The following TENM3 variants were observed in gnomAD, a reference collection of about 807,000 sequenced individuals.
TENM3 encodes teneurin-3.
A neutral mutation model predicts 255.1 loss-of-function variants in TENM3; 63 were observed. The observed-to-expected ratio is 0.25, with a 90% CI of 0.20 to 0.30. The LOEUF is 0.30. Ranked by LOEUF, TENM3 falls within the 10% of genes least tolerant of loss-of-function variation. The pLI is 1.00. For synonymous variants in TENM3, 1,306 were observed against 1,322.3 expected, an observed-to-expected ratio of 0.99 and a Z score of 0.27; for missense variants, 2,929 against 3,461.1, an observed-to-expected ratio of 0.85 and a Z score of 3.86.
At chr4:181,623,763 T>G in the TENM3 span, among the ~76,000 whole-genome samples, 1 of 152,246 alleles carries the variant, frequency 6.6e-6, no homozygotes, top group Non-Finnish European at 1.5e-5. Context: ...GAGGAGTTCA[T>G]GTACAAGCAG....
intron 3 of TENM3, among the ~76,000 whole-genome samples, chr4:182,477,606 T>G (rs1364608776): frequency 6.6e-6 from 1 of 152,174 alleles, no homozygotes; most frequent in Non-Finnish European, 1.5e-5. Context: ...GTTCTTTATT[T>G]CTTGATTGCA....
chr4:181,794,546 T>C, the TENM3 span, among the ~76,000 whole-genome samples: 1 of 152,128 alleles, frequency 6.6e-6, no homozygotes, highest in Non-Finnish European at 1.5e-5. Flanking sequence ...CAGTATTTGT[T>C]TTTCTTTGCC....
At position 182,799,542 on chromosome 4, in the gene TENM3, GT is replaced by G. The variant is rs1766746558; in HGVS notation, c.7345-53del. On this transcript the variant is annotated intron_variant, in intron 27 of 27. Coordinates refer to ENST00000511685, the MANE Select transcript of TENM3 (RefSeq NM_001080477.4). The surrounding 1 kb of genome is among the most constrained non-coding windows in gnomAD (Gnocchi z 4.2). ...CCAGAGTCCCGTGTGTGGGTCAGGAGTGGGGAGGCTCCCGGCCGCCTCTGAC... is the reference window on the plus strand; with the variant it reads ...CCAGAGTCCCGTGTGTGGGTCAGGAGGGGGAGGCTCCCGGCCGCCTCTGAC... 134 of 1,519,390 alleles carry G rather than the reference GT, an allele frequency of 8.8e-5. No homozygotes were observed. The highest frequency in any genetic ancestry group is 1.2e-4 in the Non-Finnish European group (134 of 1,142,202). The allele number at this position is 1,519,390 out of a possible 1,614,324, so 94.1% of individuals were successfully genotyped here.
chr4:182,718,050 T>C (rs1759350648), intron 13 of TENM3, among the ~76,000 whole-genome samples: 1 of 152,104 alleles, frequency 6.6e-6, no homozygotes, highest in Admixed American at 6.5e-5. Context: ...CAGTGAACCC[T>C]ACCACAGACT....
At chr4:181,888,618 G>GTGTGGA in the TENM3 span, among the ~76,000 whole-genome samples, 43 of 111,794 alleles carry the variant, frequency 3.8e-4, no homozygotes, top group South Asian at 1.6e-3. Flanking sequence ...GTGTGTGTGT[G>GTGTGGA]GAAAGAGAGA....
At chr4:181,578,569 C>A in the TENM3 span, among the ~76,000 whole-genome samples, 5 of 152,172 alleles carry the variant, frequency 3.3e-5, no homozygotes, top group African/African-American at 1.2e-4. Context: ...CGGACTCTGC[C>A]ACTGACCAGG....
the TENM3 span, among the ~76,000 whole-genome samples, chr4:181,644,193 T>C: frequency 1.1e-4 from 16 of 151,666 alleles, no homozygotes; most frequent in African/African-American, 3.6e-4. Flanking sequence ...AAAAGAGACA[T>C]TTCCTACATT....
chr4:182,785,331 C>G (rs1765554859), intron 24 of TENM3, among the ~76,000 whole-genome samples: 1 of 151,972 alleles, frequency 6.6e-6, no homozygotes, highest in African/African-American at 2.4e-5. Flanking sequence ...CTCAGCCTCC[C>G]AAAATCTTGG....
chr4:182,419,106 A>G (rs1381840213), intron 3 of TENM3, among the ~76,000 whole-genome samples: 4 of 152,252 alleles, frequency 2.6e-5, no homozygotes, highest in African/African-American at 7.2e-5. Flanking sequence ...AATAGTAATT[A>G]TCATAGCAAG....
At chr4:181,511,740 G>A in the TENM3 span, among the ~76,000 whole-genome samples, 1 of 152,146 alleles carries the variant, frequency 6.6e-6, no homozygotes, top group Non-Finnish European at 1.5e-5. Context: ...CTCGCTCTGG[G>A]GACCTGCTAG....
At chr4:181,828,409 C>T in the TENM3 span, among the ~76,000 whole-genome samples, 1 of 152,188 alleles carries the variant, frequency 6.6e-6, no homozygotes, top group African/African-American at 2.4e-5. Flanking sequence ...CAGTGCTTTA[C>T]TGTTTACAAA....
In TENM3 at chr4:182,342,732, C is replaced by G. The variant is rs552276229; in HGVS notation, c.233-3919C>G. On this transcript the variant is annotated intron_variant, in intron 2 of 27. Coordinates refer to ENST00000511685, the MANE Select transcript of TENM3 (RefSeq NM_001080477.4). ...AATCTAGATATTAGAGAAATCCAGA[C>G]ATTAGTGAGGAGAGAATGCCTTCCC... Among the ~76,000 whole-genome samples the G allele has an allele frequency of 3.3e-5, 5 of 152,190 alleles. No individual in the cohort carries two copies. The East Asian group carries it at 5.8e-4, about 18-fold the overall frequency.
chr4:181,856,413 C>T, the TENM3 span, among the ~76,000 whole-genome samples: 1 of 152,156 alleles, frequency 6.6e-6, no homozygotes, highest in Non-Finnish European at 1.5e-5. Flanking sequence ...ATCAATGACA[C>T]CCCCTTCTTC....
At chr4:182,584,588 T>G (rs1291998157) in intron 3 of TENM3, among the ~76,000 whole-genome samples, 1 of 152,206 alleles carries the variant, frequency 6.6e-6, no homozygotes, top group Non-Finnish European at 1.5e-5. Flanking sequence ...AGCAAATACT[T>G]TAAATAAATG....
chr4:182,786,016 T>A (rs1230622605), intron 24 of TENM3, among the ~76,000 whole-genome samples: 1 of 152,180 alleles, frequency 6.6e-6, no homozygotes, highest in Non-Finnish European at 1.5e-5. Context: ...AGCCTTGGCT[T>A]GTGTTGGGAA....
intron 4 of TENM3, among the ~76,000 whole-genome samples, chr4:182,605,451 G>A (rs867776482): frequency 9.8e-5 from 14 of 142,636 alleles, no homozygotes; most frequent in Admixed American, 2.9e-4. Flanking sequence ...GCCAATGGTA[G>A]GAAATTCTTA....
At chr4:181,754,284 TCACACACACACACACA>T in the TENM3 span, among the ~76,000 whole-genome samples, 3 of 144,512 alleles carry the variant, frequency 2.1e-5, no homozygotes, top group African/African-American at 7.6e-5. Flanking sequence ...TATATCCCAG[TCACACACACACACACA>T]CACACACACA....
chr4:182,753,718 TCTG>T, intron 21 of TENM3, 114 bp downstream of exon 21: 1 of 942,316 alleles, frequency 1.1e-6, no homozygotes. Flanking sequence ...TTGCAGTGGT[TCTG>T]ATAGGGCAGT....
chr4:182,612,155 T>C (rs1216584611), intron 4 of TENM3, among the ~76,000 whole-genome samples: 1 of 151,570 alleles, frequency 6.6e-6, no homozygotes, highest in African/African-American at 2.4e-5. Context: ...GCCTGTAATC[T>C]GAGCTACAGG....
Sources: allele counts gnomAD v4.1 joint callset (sites outside exome capture counted in the v4.1 genomes callset), GRCh38; gene constraint gnomAD v4.1.1; non-coding constraint Gnocchi (gnomAD v3.1); transcripts MANE v1.5; gene names NCBI Gene and HGNC (gene_info 2026-07-23, HGNC 2026-07-21).